The following COL9A1 variants were observed in gnomAD, a reference collection of about 807,000 sequenced individuals.
The protein encoded by COL9A1 is collagen alpha-1(IX) chain.
COL9A1 carries 104 observed loss-of-function variants against 142.6 expected under a neutral mutation model. That is an observed-to-expected ratio of 0.73 (90% CI 0.62 to 0.86). The LOEUF (loss-of-function observed/expected upper bound fraction) is 0.86. Among genes scored for constraint, COL9A1 ranks in the 40% least tolerant of loss-of-function variants. The pLI is 0.00. For synonymous variants in COL9A1, 466 were observed against 396.0 expected (o/e 1.18, Z -2.10); for missense variants, 1,210 against 1,176.6 (o/e 1.03, Z -0.42).
intron 36 of COL9A1, among the ~76,000 whole-genome samples, chr6:70,231,844 A>T (rs1769568374): frequency 6.6e-6 from 1 of 152,176 alleles, no homozygotes; most frequent in African/African-American, 2.4e-5. Flanking sequence ...TAAATTATCC[A>T]GGGCACATAC....
At chr6:70,294,080 C>G (rs1773754741) in intron 5 of COL9A1, 87 bp downstream of exon 5, 1 of 1,530,630 alleles carries the variant, frequency 6.5e-7, no homozygotes, top group African/African-American at 1.4e-5. Flanking sequence ...ATGCTGCACT[C>G]AGCTGATTAT....
chr6:70,220,185 G>A (rs1305860500), intron 37 of COL9A1, among the ~76,000 whole-genome samples: 1 of 145,056 alleles, frequency 6.9e-6, no homozygotes, highest in South Asian at 2.2e-4. Flanking sequence ...AATGCTTAAT[G>A]AGAATGCTTT....
At chr6:70,258,573 T>G (rs555663) in intron 20 of COL9A1, 58,402 of 151,954 alleles carry the variant, frequency 0.38, 11,532 homozygotes, top group African/African-American at 0.42. Flanking sequence ...TTTGAAGACC[T>G]GAAAAAGACC....
chr6:70,244,450 G>A (rs1320332874), intron 28 of COL9A1, among the ~76,000 whole-genome samples: 4 of 152,114 alleles, frequency 2.6e-5, no homozygotes, highest in East Asian at 1.9e-4. Context: ...TTTCCTCATC[G>A]TGTCTGCTCT....
At chr6:70,263,166 A>T in intron 19 of COL9A1, 78 bp downstream of exon 19, 1 of 1,212,148 alleles carries the variant, frequency 8.2e-7, no homozygotes, top group South Asian at 1.4e-5. Context: ...CAACTGCTAA[A>T]TAGAAAATAT....
At chr6:70,255,833 CGTG>C (rs1771252923) in intron 21 of COL9A1, among the ~76,000 whole-genome samples, 3 of 49,060 alleles carry the variant, frequency 6.1e-5, no homozygotes, top group Non-Finnish European at 1.1e-4. Context: ...TGTTGATATA[CGTG>C]ATATACGCTA....
chr6:70,294,717 T>C (rs1490720816), intron 4 of COL9A1, among the ~76,000 whole-genome samples, 154 bp from the exon 5 acceptor site: 2 of 152,222 alleles, frequency 1.3e-5, no homozygotes, highest in Non-Finnish European at 2.9e-5. Flanking sequence ...TGACTGTTCA[T>C]AAAGACCTTT....
chr6:70,232,064 G>GA (rs35894805), intron 36 of COL9A1, among the ~76,000 whole-genome samples: 34,597 of 151,062 alleles, frequency 0.23, 4,287 homozygotes, highest in Non-Finnish European at 0.29. Context: ...CTTCAGAGCT[G>GA]AAAAAAAAAT....
chr6:70,274,800 A>G (rs1772647074), intron 10 of COL9A1, 28 bp from the exon 11 acceptor site: 1 of 1,587,798 alleles, frequency 6.3e-7, no homozygotes, highest in Non-Finnish European at 8.6e-7. Flanking sequence ...TGATGTTAGA[A>G]CTATCATAAC....
intron 33 of COL9A1, among the ~76,000 whole-genome samples, chr6:70,239,008 G>A (rs774639120): frequency 8.5e-5 from 13 of 152,244 alleles, no homozygotes; most frequent in Admixed American, 2.6e-4. Flanking sequence ...GCATGGTGGT[G>A]CATGCCTGTA....
At chr6:70,289,171 T>C (rs879281070) in intron 5 of COL9A1, among the ~76,000 whole-genome samples, 1 of 152,114 alleles carries the variant, frequency 6.6e-6, no homozygotes, top group Non-Finnish European at 1.5e-5. Flanking sequence ...TGAAAGCCCA[T>C]GATTCTACTG....
At chr6:70,297,423 A>G (rs1200091176) in intron 4 of COL9A1, among the ~76,000 whole-genome samples, 3 of 152,114 alleles carry the variant, frequency 2.0e-5, no homozygotes, top group Admixed American at 6.5e-5. Flanking sequence ...CAATATGGTA[A>G]GAAGAGAAAA....
At chr6:70,231,907 G>A (rs1280602380) in intron 36 of COL9A1, among the ~76,000 whole-genome samples, 1 of 152,112 alleles carries the variant, frequency 6.6e-6, no homozygotes, top group African/African-American at 2.4e-5. Context: ...AAATGAGACA[G>A]CCAGTTCTTC....
At chr6:70,302,189 G>C in intron 1 of COL9A1, 115 bp from the exon 2 acceptor site, 1 of 488,610 alleles carries the variant, frequency 2.0e-6, no homozygotes, top group Non-Finnish European at 3.8e-6. Context: ...TCACAGTATA[G>C]TTTTTTTTTC....
At position 70,253,417 on chromosome 6, in the gene COL9A1, T is replaced by A. The variant is rs552818441; in HGVS notation, c.1732A>T (p.Ile578Phe). The A allele has an allele frequency of 4.2e-5, 67 of 1,607,082 alleles. No individual in the cohort carries two copies. In the East Asian group the frequency reaches 1.4e-3, roughly 33 times the overall value. ...CCAGCAACACCCTTTGCACCAGGAA[T>A]TCCAGGTACACCCTAAAAGAATACA... ...GLQGLPGVPG[I>F]PGAKGVAGEK... is the part of the protein sequence containing the mutation. Residue 578 changes from isoleucine (I) to phenylalanine (F), a missense_variant, in exon 26 of 38, where the codon ATT becomes TTT. Transcript: ENST00000357250.
At chr6:70,267,479 T>C (rs1277426846) in intron 17 of COL9A1, among the ~76,000 whole-genome samples, 1 of 151,926 alleles carries the variant, frequency 6.6e-6, no homozygotes, top group Non-Finnish European at 1.5e-5. Flanking sequence ...TGTGCCACTA[T>C]GCCCGGCTAA....
chr6:70,235,192 A>G (rs1769828096), intron 33 of COL9A1, among the ~76,000 whole-genome samples: 1 of 152,138 alleles, frequency 6.6e-6, no homozygotes, highest in Non-Finnish European at 1.5e-5. Context: ...GGTGGCTTAC[A>G]CCTATAATCC....
Position 70,294,440 on chromosome 6 carries a change from T to A in COL9A1, c.423A>T (p.Gln141His). ...TTTGGCCATTAATCTTTATGCCAAC[T>A]TGCTCCTTCCCAGAGGAATCCTGAA... is the stretch of plus-strand genomic sequence containing the variant. ...WQIQDSSGKE[Q>H]VGIKINGQTQ... The change falls in exon 5 of 38, where the codon CAA (glutamine) becomes CAT (histidine). Residue 141 changes from glutamine to histidine, a missense_variant. Gln to His is a conservative substitution (Grantham distance 24). Transcript: ENST00000357250. 3 of 1,614,138 alleles carry A rather than the reference T, an allele frequency of 1.9e-6. No individual in the cohort carries two copies. Among genetic ancestry groups the A allele is most frequent in the Non-Finnish European group, 2.5e-6 (3 of 1,179,968 alleles).
intron 5 of COL9A1, among the ~76,000 whole-genome samples, chr6:70,290,474 T>C (rs1264624002): frequency 6.6e-6 from 1 of 152,082 alleles, no homozygotes; most frequent in Non-Finnish European, 1.5e-5. Context: ...TAAGTAACCA[T>C]GAATGATGAG....
Sources: allele counts gnomAD v4.1 joint callset (sites outside exome capture counted in the v4.1 genomes callset), GRCh38; gene constraint gnomAD v4.1.1; transcripts MANE v1.5; gene names NCBI Gene and HGNC (gene_info 2026-07-23, HGNC 2026-07-21).